Variants in SPATA6 observed in about 807,000 individuals in gnomAD.
The protein encoded by SPATA6 is spermatogenesis associated 6.
Under a neutral mutation model 65.3 loss-of-function variants are expected in SPATA6, and 56 were observed. The ratio of observed to expected loss-of-function variants is 0.86; its 90% CI spans 0.69 to 1.07. SPATA6 has a LOEUF of 1.07. Among genes scored for constraint, SPATA6 ranks in the 50% least tolerant of loss-of-function variants. The pLI, the probability that SPATA6 is intolerant of heterozygous loss-of-function variation, is 0.00. For missense variants in SPATA6, 590 were observed against 594.8 expected (o/e 0.99, Z 0.08); for synonymous variants, 199 against 213.2 (o/e 0.93, Z 0.58).
intron 11 of SPATA6, among the ~76,000 whole-genome samples, chr1:48,329,850 A>C (rs1645865766): frequency 6.6e-6 from 1 of 152,182 alleles, no homozygotes. Context: ...CTCCACAGGG[A>C]CCTGTGCAAG....
chr1:48,366,112 G>A (rs902165720), intron 9 of SPATA6, among the ~76,000 whole-genome samples: 6 of 152,178 alleles, frequency 3.9e-5, no homozygotes, highest in Non-Finnish European at 1.5e-5. Context: ...ATTTGCGTAT[G>A]TTGAACCAGC....
At chr1:48,363,950 C>T (rs1026081342) in intron 9 of SPATA6, among the ~76,000 whole-genome samples, 1 of 152,032 alleles carries the variant, frequency 6.6e-6, no homozygotes, top group Non-Finnish European at 1.5e-5. Flanking sequence ...ATCCCTCCCC[C>T]CTTCCCCCAC....
the SPATA6 span, among the ~76,000 whole-genome samples, chr1:48,267,941 C>T: frequency 3.2e-4 from 48 of 151,644 alleles, no homozygotes; most frequent in East Asian, 5.7e-3. Context: ...TTAGTAGAGA[C>T]GGGGTTTCAC....
At chr1:48,316,909 C>G (rs1215251914) in intron 11 of SPATA6, among the ~76,000 whole-genome samples, 1 of 152,122 alleles carries the variant, frequency 6.6e-6, no homozygotes, top group Non-Finnish European at 1.5e-5. Context: ...ATTTATGCAG[C>G]CAACAGACAC....
intron 11 of SPATA6, among the ~76,000 whole-genome samples, chr1:48,311,636 C>A (rs181365148): frequency 2.6e-5 from 4 of 152,196 alleles, no homozygotes; most frequent in African/African-American, 4.8e-5. Context: ...CAGCTCCCAA[C>A]GTGAGCGACA....
rs371331528 is a variant in SPATA6, at chr1:48,326,261, C to T, written c.1195-20383G>A. ...AGAATTCAATCCCATTTTCAATAGC[C>T]ACACACACAGAAATATACCTAAGAA... On this transcript the variant is annotated intron_variant, in intron 11 of 12. Transcript: ENST00000371847. 1.4e-4 allele frequency: 21 copies of T among 152,152 alleles called. 1 individual carries two copies. The highest frequency in any genetic ancestry group is 5.1e-4 in the African/African-American group (21 of 41,406). The allele number at this position is 152,152 out of a possible 1,614,324, so 9.4% of individuals were successfully genotyped here. A position where few individuals can be genotyped will look rare whatever the true frequency, so the allele number is the denominator to read the frequency against.
At chr1:48,463,618 T>G (rs182960782) in intron 1 of SPATA6, among the ~76,000 whole-genome samples, 1 of 152,208 alleles carries the variant, frequency 6.6e-6, no homozygotes, top group East Asian at 1.9e-4. Flanking sequence ...AAATACAAAA[T>G]TCAGGATACC....
At chr1:48,271,530 A>G in the SPATA6 span, among the ~76,000 whole-genome samples, 1 of 152,100 alleles carries the variant, frequency 6.6e-6, no homozygotes, top group Admixed American at 6.6e-5. Flanking sequence ...CCTATATCCA[A>G]ATAGAAATAG....
At chr1:48,359,524 C>T (rs1050540371) in intron 10 of SPATA6, 62 bp downstream of exon 10, 6 of 1,511,564 alleles carry the variant, frequency 4.0e-6, no homozygotes, top group Non-Finnish European at 5.4e-6. Flanking sequence ...ATAATTGCTG[C>T]TTCCCCTTCT....
intron 1 of SPATA6, among the ~76,000 whole-genome samples, chr1:48,463,498 CATT>C (rs1657596159): frequency 6.6e-6 from 1 of 151,956 alleles, no homozygotes; most frequent in African/African-American, 2.4e-5. Flanking sequence ...GATTTTAAAA[CATT>C]ATCAATAGCT....
At chr1:48,432,957 A>G (rs982661759) in intron 3 of SPATA6, among the ~76,000 whole-genome samples, 1 of 152,220 alleles carries the variant, frequency 6.6e-6, no homozygotes, top group Admixed American at 6.5e-5. Flanking sequence ...TTAAAAAGAA[A>G]TGAAATTCTG....
At chr1:48,299,516 G>GGAAAAAAAAAAAAAAAA (rs761355984) in intron 12 of SPATA6, among the ~76,000 whole-genome samples, 4 of 38,188 alleles carry the variant, frequency 1.0e-4, no homozygotes, top group Non-Finnish European at 1.9e-4. Flanking sequence ...CTCCGTCTCG[G>GGAAAAAAAAAAAAAAAA]AAAAAAAAAA....
At chr1:48,402,147 G>A (rs925669954) in intron 6 of SPATA6, among the ~76,000 whole-genome samples, 1 of 151,742 alleles carries the variant, frequency 6.6e-6, no homozygotes, top group Non-Finnish European at 1.5e-5. Context: ...AAGTCAAAAA[G>A]TAAAAATAAA....
At chr1:48,327,772 C>T (rs964694491) in intron 11 of SPATA6, among the ~76,000 whole-genome samples, 2 of 152,044 alleles carry the variant, frequency 1.3e-5, no homozygotes, top group African/African-American at 2.4e-5. Context: ...AATAGGTGCA[C>T]TGGACACAAA....
At chr1:48,318,330 T>C (rs1465880122) in intron 11 of SPATA6, among the ~76,000 whole-genome samples, 1 of 152,018 alleles carries the variant, frequency 6.6e-6, no homozygotes, top group Non-Finnish European at 1.5e-5. Context: ...AGAAAGGAAA[T>C]AAAAATATTT....
chr1:48,375,924 T>C (rs1647844655), intron 9 of SPATA6, among the ~76,000 whole-genome samples: 1 of 152,168 alleles, frequency 6.6e-6, no homozygotes, highest in Admixed American at 6.6e-5. Flanking sequence ...ATCTCATACA[T>C]CCAATGGTCT....
In SPATA6 at chr1:48,361,311, G is replaced by A. The variant is rs75074459; in HGVS notation, c.910-1541C>T. ...CACGAGAATGTGTTGTTTTGGAAGTGAATAAACAATGTATTTTAAGGAAGG... is the reference window on the plus strand; with the variant it reads ...CACGAGAATGTGTTGTTTTGGAAGTAAATAAACAATGTATTTTAAGGAAGG... On this transcript the variant is annotated intron_variant, in intron 9 of 12. Transcript: ENST00000371847. 8.1e-3 allele frequency among the ~76,000 whole-genome samples: 1,237 copies of A among 152,206 alleles called. 25 individuals carry two copies. The highest frequency in any genetic ancestry group is 0.028 in the African/African-American group (1,181 of 41,538).
rs954116436 is a variant in SPATA6 at position 48,317,232 on chromosome 1, T to C, written c.1195-11354A>G. ...TGTGATAAAGACACATGCACACATA[T>C]GTTTATCGCGGCATTATTCACAATA... On this transcript the variant is annotated intron_variant, in intron 11 of 12. Transcript: ENST00000371847. 1.4e-4 allele frequency among the ~76,000 whole-genome samples: 21 copies of C among 152,192 alleles called. 1 individual carries two copies. Among genetic ancestry groups the C allele is most frequent in the African/African-American group, 5.1e-4 (21 of 41,448 alleles).
At chr1:48,293,299 C>T (rs77967993), downstream of SPATA6, among the ~76,000 whole-genome samples, 3,610 of 152,256 alleles carry the variant, frequency 0.024, 39 homozygotes, top group South Asian at 0.059. Context: ...GCCAGCCTGA[C>T]GGATGGCATA....
Sources: gnomAD v4.1 joint callset for allele counts (sites outside exome capture counted in the v4.1 genomes callset) on GRCh38, gnomAD v4.1.1 for gene constraint, MANE v1.5 for transcripts, NCBI Gene and HGNC (gene_info 2026-07-23, HGNC 2026-07-21) for gene names.